The following EPM2A variants were observed in gnomAD, a reference collection of about 807,000 sequenced individuals.
EPM2A encodes EPM2A glucan phosphatase, laforin.
Under a neutral mutation model 26.5 loss-of-function variants are expected in EPM2A, and 21 were observed. The ratio of observed to expected loss-of-function variants is 0.79; its 90% CI spans 0.56 to 1.14. The LOEUF (loss-of-function observed/expected upper bound fraction) is 1.14, where lower values mean the gene tolerates loss of function less well. EPM2A is among the 50% of genes most tolerant of loss of function. The pLI, the probability that EPM2A is intolerant of heterozygous loss-of-function variation, is 0.00. For synonymous variants in EPM2A, 217 were observed against 177.6 expected (o/e 1.22, Z -1.76); for missense variants, 458 against 440.8 (o/e 1.04, Z -0.35).
At chr6:145,712,226 T>A (rs1352556260) in intron 1 of EPM2A, among the ~76,000 whole-genome samples, 1 of 152,080 alleles carries the variant, frequency 6.6e-6, no homozygotes, top group Non-Finnish European at 1.5e-5. Flanking sequence ...ACCATCCACA[T>A]CAATTTACAA....
chr6:145,717,636 A>G (rs1272834625), intron 1 of EPM2A, among the ~76,000 whole-genome samples: 1 of 152,126 alleles, frequency 6.6e-6, no homozygotes, highest in African/African-American at 2.4e-5. Context: ...GGCAGGAGAA[A>G]GAAATAAAGG....
chr6:145,595,748 AATAG>A (rs1485587729), intron 2 of EPM2A, among the ~76,000 whole-genome samples: 5 of 152,142 alleles, frequency 3.3e-5, no homozygotes, highest in East Asian at 1.9e-4. Flanking sequence ...TTTTTTTTGA[AATAG>A]ATAGTGATAT....
At chr6:145,609,731 C>T (rs1775349603) in intron 2 of EPM2A, among the ~76,000 whole-genome samples, 1 of 152,174 alleles carries the variant, frequency 6.6e-6, no homozygotes, top group Admixed American at 6.5e-5. Flanking sequence ...AGTGCAAGAG[C>T]CAATTGAACA....
intron 4 of EPM2A, among the ~76,000 whole-genome samples, chr6:145,425,644 A>T (rs1043912555): frequency 2.6e-5 from 4 of 152,080 alleles, no homozygotes; most frequent in African/African-American, 4.8e-5. Context: ...AAAAAAAAAA[A>T]AAAAGAAAAA....
intron 4 of EPM2A, among the ~76,000 whole-genome samples, chr6:145,419,810 TAATA>T (rs1778758846): frequency 6.6e-6 from 1 of 152,138 alleles, no homozygotes; most frequent in Admixed American, 6.6e-5. Flanking sequence ...AATAATTTAC[TAATA>T]ATTAATGAAA....
rs139168906 is a variant in EPM2A, at chr6:145,561,897, C to T, written c.341-59322G>A. ...GGGCAACAAACACACCAGGGCCAGT[C>T]GGTGGGTGGAGGGCAAGAGGAGGGA... On this transcript the variant is annotated intron_variant, in intron 2 of 3. Transcript: ENST00000450221. 1.7e-3 allele frequency among the ~76,000 whole-genome samples: 253 copies of T among 152,070 alleles called. 2 individuals carry two copies. The highest frequency in any genetic ancestry group is 5.9e-3 in the African/African-American group (243 of 41,482).
At chr6:145,464,020 T>C (rs1184997482) in intron 4 of EPM2A, among the ~76,000 whole-genome samples, 1 of 152,132 alleles carries the variant, frequency 6.6e-6, no homozygotes. Context: ...CTGATGGTTT[T>C]ATAAGTGGCA....
chr6:145,634,904 G>C (rs1776532190), intron 3 of EPM2A, among the ~76,000 whole-genome samples: 1 of 152,056 alleles, frequency 6.6e-6, no homozygotes, highest in African/African-American at 2.4e-5. Flanking sequence ...TCTATTTTTA[G>C]TCATTTGATT....
rs181997105 is a variant in EPM2A at position 145,391,919 on chromosome 6, G to T, written c.556-7822C>A. 2.6e-5 allele frequency among the ~76,000 whole-genome samples: 4 copies of T among 151,040 alleles called. No homozygotes were observed. The East Asian group carries it at 5.9e-4, about 22-fold the overall frequency. The stretch of plus-strand genomic sequence containing the variant: ...TCTCTTGGCCCTGGGTCTTAGGTGG[G>T]GGGCAGGTGGTGGGGGGCATTTCAG... On this transcript the variant is annotated intron_variant, in intron 4 of 4. Transcript: ENST00000638717.
intron 2 of EPM2A, among the ~76,000 whole-genome samples, chr6:145,504,962 G>T (rs1209033795): frequency 1.1e-5 from 1 of 87,234 alleles, no homozygotes; most frequent in Non-Finnish European, 2.3e-5. Flanking sequence ...GGATGAAATT[G>T]GAAACCATCA....
chr6:145,465,432 G>A (rs954916806), intron 4 of EPM2A, among the ~76,000 whole-genome samples: 3 of 151,952 alleles, frequency 2.0e-5, no homozygotes, highest in African/African-American at 4.8e-5. Context: ...CCTGTAGCTC[G>A]GTGTAATTTG....
intron 4 of EPM2A, among the ~76,000 whole-genome samples, chr6:145,493,639 C>T (rs1047517578): frequency 1.3e-5 from 2 of 152,050 alleles, no homozygotes; most frequent in East Asian, 1.9e-4. Flanking sequence ...ATATATGGCT[C>T]TTGTTATTTT....
intron 1 of EPM2A, among the ~76,000 whole-genome samples, chr6:145,702,760 T>G (rs1781994552): frequency 6.6e-6 from 1 of 152,164 alleles, no homozygotes; most frequent in African/African-American, 2.4e-5. Flanking sequence ...TAACAGTAAC[T>G]CCACTTGGGC....
At chr6:145,649,822 A>G (rs1033848876) in intron 2 of EPM2A, among the ~76,000 whole-genome samples, 5 of 152,242 alleles carry the variant, frequency 3.3e-5, no homozygotes, top group Non-Finnish European at 5.9e-5. Context: ...TTTAGCCTAG[A>G]AAGCCTAAAA....
intron 4 of EPM2A, among the ~76,000 whole-genome samples, chr6:145,407,719 G>T (rs1319108945): frequency 1.3e-5 from 2 of 152,092 alleles, no homozygotes; most frequent in Non-Finnish European, 2.9e-5. Context: ...TTACAGTTTT[G>T]TTGGTTACTA....
At chr6:145,446,244 C>T (rs1582131) in intron 4 of EPM2A, among the ~76,000 whole-genome samples, 95,545 of 146,798 alleles carry the variant, frequency 0.65, 32,506 homozygotes, top group East Asian at 0.81. Flanking sequence ...CCCTTAAAAT[C>T]ATGAATATGT....
At chr6:145,705,112 G>C (rs1782140513) in intron 1 of EPM2A, among the ~76,000 whole-genome samples, 1 of 151,996 alleles carries the variant, frequency 6.6e-6, no homozygotes, top group Non-Finnish European at 1.5e-5. Flanking sequence ...TTGGTCCTAG[G>C]GCTTGCTGTA....
At chr6:145,616,235 A>C (rs1308496969) in intron 2 of EPM2A, among the ~76,000 whole-genome samples, 1 of 152,242 alleles carries the variant, frequency 6.6e-6, no homozygotes, top group East Asian at 1.9e-4. Context: ...CATGGCTGAA[A>C]GGGGCCAACA....
intron 4 of EPM2A, among the ~76,000 whole-genome samples, chr6:145,467,918 A>C (rs182297772): frequency 6.6e-6 from 1 of 152,060 alleles, no homozygotes; most frequent in African/African-American, 2.4e-5. Context: ...TGGAAATATT[A>C]TTGTGCATTA....
Sources: gnomAD v4.1 joint callset for allele counts (sites outside exome capture counted in the v4.1 genomes callset) on GRCh38, gnomAD v4.1.1 for gene constraint, MANE v1.5 for transcripts, NCBI Gene and HGNC (gene_info 2026-07-23, HGNC 2026-07-21) for gene names.